Variants in PDE4D observed in about 807,000 individuals in gnomAD.
The protein encoded by PDE4D is 3',5'-cyclic-AMP phosphodiesterase 4D.
PDE4D carries 24 observed loss-of-function variants against 87.4 expected under a neutral mutation model. The observed-to-expected ratio is 0.27, with a 90% CI of 0.20 to 0.39. The LOEUF is 0.39. Among genes scored for constraint, PDE4D ranks in the 10% least tolerant of loss-of-function variants. The probability of loss-of-function intolerance (pLI) is 1.00; values close to 1 mark genes in which losing one functional copy is unlikely to be tolerated. For missense variants in PDE4D, 714 were observed against 1,041.0 expected, an observed-to-expected ratio of 0.69 and a Z score of 4.32; for synonymous variants, 384 against 383.2, an observed-to-expected ratio of 1.00 and a Z score of -0.02.
intron 1 of PDE4D, among the ~76,000 whole-genome samples, chr5:59,272,462 T>A (rs1187309373): frequency 6.6e-6 from 1 of 152,136 alleles, no homozygotes; most frequent in African/African-American, 2.4e-5. Flanking sequence ...AATCAATGAA[T>A]CTGCTAATTT....
chr5:60,424,362 G>A (rs1743446098), intron 1 of PDE4D, among the ~76,000 whole-genome samples: 3 of 152,200 alleles, frequency 2.0e-5, no homozygotes, highest in East Asian at 1.9e-4. Context: ...TCCCAGGGAT[G>A]CAAGGCTGGT....
intron 2 of PDE4D, among the ~76,000 whole-genome samples, chr5:60,078,612 C>T (rs1180925644): frequency 6.6e-6 from 1 of 152,110 alleles, no homozygotes; most frequent in Admixed American, 6.5e-5. Context: ...TGTTCAACCC[C>T]CACTTATGGG....
Position 59,624,394 on chromosome 5 carries a change from G to A in PDE4D, c.455+268774C>T, listed in dbSNP as rs184520616. On this transcript the variant is annotated intron_variant, in intron 1 of 14. Transcript: ENST00000340635. ...ACAGAAAGTTAAAAGATCTTCTCCC[G>A]AATTTGTCATTTTTTTTTCAGTCTC... 1.2e-4 allele frequency among the ~76,000 whole-genome samples: 19 copies of A among 152,110 alleles called. No homozygotes were observed. The East Asian group carries it at 1.4e-3, about 11-fold the overall frequency.
intron 1 of PDE4D, among the ~76,000 whole-genome samples, chr5:59,575,523 G>C (rs1433296591): frequency 3.9e-5 from 6 of 152,114 alleles, no homozygotes; most frequent in Admixed American, 3.3e-4. Flanking sequence ...ACCCAGTTCG[G>C]CAGGATGGTT....
At chr5:59,039,929 G>C (rs757897055) in intron 5 of PDE4D, 5 of 152,322 alleles carry the variant, frequency 3.3e-5, no homozygotes, top group African/African-American at 9.6e-5. Context: ...AGGAGGGACC[G>C]GCACGCAGGC....
chr5:59,765,977 T>C (rs1175280992), intron 1 of PDE4D, among the ~76,000 whole-genome samples: 2 of 152,230 alleles, frequency 1.3e-5, no homozygotes, highest in Admixed American at 1.3e-4. Context: ...GTATTAAGTG[T>C]ATGCATAGCG....
chr5:58,979,528 TCAG>T (rs1489502260), intron 11 of PDE4D, among the ~76,000 whole-genome samples: 2 of 152,294 alleles, frequency 1.3e-5, no homozygotes, highest in East Asian at 1.9e-4. Flanking sequence ...CTGCAGCTCC[TCAG>T]CAGATTTTCA....
intron 1 of PDE4D, among the ~76,000 whole-genome samples, chr5:59,661,097 T>TATATATA (rs1561426172): frequency 2.0e-5 from 3 of 147,800 alleles, no homozygotes; most frequent in Admixed American, 6.8e-5. Context: ...TATATATATA[T>TATATATA]TTTGTCATCT....
chr5:59,877,544 G>T (rs1748793542), intron 1 of PDE4D, among the ~76,000 whole-genome samples: 1 of 151,702 alleles, frequency 6.6e-6, no homozygotes, highest in Non-Finnish European at 1.5e-5. Flanking sequence ...GCAGGGCATG[G>T]TGGGTCACTC....
intron 1 of PDE4D, among the ~76,000 whole-genome samples, chr5:59,653,219 T>TTTTTA (rs1424031165): frequency 2.0e-5 from 3 of 149,418 alleles, no homozygotes; most frequent in Non-Finnish European, 4.5e-5. Context: ...TTTTTTTTTT[T>TTTTTA]TTTTTTAGAC....
intron 1 of PDE4D, among the ~76,000 whole-genome samples, chr5:60,411,888 G>C (rs987088594): frequency 1.3e-5 from 2 of 151,936 alleles, no homozygotes; most frequent in Non-Finnish European, 2.9e-5. Context: ...CCAACCACCC[G>C]CAAAAAAGGT....
chr5:59,528,565 T>C (rs1266134184), intron 1 of PDE4D, among the ~76,000 whole-genome samples: 1 of 152,062 alleles, frequency 6.6e-6, no homozygotes, highest in African/African-American at 2.4e-5. Context: ...TCACTTTCAT[T>C]GATAAATAAC....
chr5:59,249,439 T>C (rs1759493766), intron 1 of PDE4D, among the ~76,000 whole-genome samples: 1 of 152,148 alleles, frequency 6.6e-6, no homozygotes, highest in Non-Finnish European at 1.5e-5. Context: ...TCATATTCTT[T>C]GACATAGTTA....
At chr5:60,314,778 T>C (rs1583392177) in intron 1 of PDE4D, among the ~76,000 whole-genome samples, 1 of 152,110 alleles carries the variant, frequency 6.6e-6, no homozygotes, top group Admixed American at 6.5e-5. Context: ...AGAATGATGG[T>C]TTCCAGCTTC....
chr5:59,942,805 C>T (rs1757322523), intron 3 of PDE4D, among the ~76,000 whole-genome samples: 2 of 136,594 alleles, frequency 1.5e-5, no homozygotes, highest in African/African-American at 5.6e-5. Flanking sequence ...TGTGGCTTTG[C>T]AAGGGAGACA....
intron 2 of PDE4D, among the ~76,000 whole-genome samples, chr5:60,046,304 G>C (rs201144721): frequency 1.3e-5 from 2 of 151,980 alleles, no homozygotes; most frequent in Admixed American, 6.6e-5. Flanking sequence ...CAATCATGTC[G>C]TCTGCAAACA....
chr5:59,379,944 C>T (rs1351051803), intron 1 of PDE4D, among the ~76,000 whole-genome samples: 1 of 152,082 alleles, frequency 6.6e-6, no homozygotes, highest in Non-Finnish European at 1.5e-5. Context: ...AGGTGGTCAG[C>T]ATTGTACCCA....
At chr5:59,121,908 C>G (rs1256043222) in intron 5 of PDE4D, among the ~76,000 whole-genome samples, 1 of 152,068 alleles carries the variant, frequency 6.6e-6, no homozygotes, top group Non-Finnish European at 1.5e-5. Flanking sequence ...CTTTTGGAGG[C>G]CGAGACGGGC....
At chr5:60,106,601 G>C (rs201781573) in intron 2 of PDE4D, among the ~76,000 whole-genome samples, 31,765 of 149,778 alleles carry the variant, frequency 0.21, 4,188 homozygotes, top group East Asian at 0.42. Flanking sequence ...TGACCACATA[G>C]TTGGAAGTAA....
Sources: gnomAD v4.1 joint callset for allele counts (sites outside exome capture counted in the v4.1 genomes callset) on GRCh38, gnomAD v4.1.1 for gene constraint, MANE v1.5 for transcripts, NCBI Gene and HGNC (gene_info 2026-07-23, HGNC 2026-07-21) for gene names.